Variants in UBR3 observed in about 807,000 individuals in gnomAD.
UBR3 encodes E3 ubiquitin-protein ligase UBR3.
In UBR3, 85 loss-of-function variants were observed where a neutral mutation model predicts 243.2. The observed-to-expected ratio is 0.35, with a 90% confidence interval of 0.29 to 0.42. The LOEUF (loss-of-function observed/expected upper bound fraction) is 0.42, where lower values mean the gene tolerates loss of function less well. Among genes scored for constraint, UBR3 ranks in the 10% least tolerant of loss-of-function variants. The pLI is 1.00. For synonymous variants in UBR3, 748 were observed against 799.8 expected (o/e 0.94, Z 1.09); for missense variants, 1,686 against 2,300.8 (o/e 0.73, Z 5.47).
chr2:170,056,392 A>T (rs2091337191), intron 33 of UBR3, among the ~76,000 whole-genome samples: 2 of 152,338 alleles, frequency 1.3e-5, no homozygotes, highest in South Asian at 4.1e-4. Context: ...AACTCAAAGG[A>T]ACTCAGTTTA....
Position 169,994,500 on chromosome 2 carries a change from TG to T in UBR3, c.3918+46del, listed in dbSNP as rs747806396. 1.7e-5 allele frequency: 26 copies of T among 1,562,566 alleles called. No individual in the cohort carries two copies. The Admixed American group carries it at 2.7e-4, about 16-fold the overall frequency. On this transcript the variant is annotated intron_variant, in intron 26 of 38. Transcript: ENST00000272793. ...ATAGTACTTTTGTCTGCCAAGTTGATGGTTATTTCCCTCCAGAATTTTACAT... is the reference window on the plus strand; with the variant it reads ...ATAGTACTTTTGTCTGCCAAGTTGATGTTATTTCCCTCCAGAATTTTACAT...
chr2:170,014,980 T>G, intron 29 of UBR3: 1 of 201,332 alleles, frequency 5.0e-6, no homozygotes, highest in Admixed American at 5.7e-5. Context: ...AGTTTTTTTT[T>G]TTTTCTTAAG....
chr2:169,839,666 AAC>A (rs531324886), intron 1 of UBR3, among the ~76,000 whole-genome samples: 53 of 152,088 alleles, frequency 3.5e-4, no homozygotes, highest in South Asian at 1.0e-3. Flanking sequence ...CATCAAATAA[AAC>A]ACACACACAC....
At chr2:169,832,023 G>C (rs556030301) in intron 1 of UBR3, among the ~76,000 whole-genome samples, 1 of 152,146 alleles carries the variant, frequency 6.6e-6, no homozygotes. Flanking sequence ...ACTGTTGCCT[G>C]TAGGATGTTC....
chr2:169,913,364 T>C (rs1337296402), intron 10 of UBR3, among the ~76,000 whole-genome samples: 1 of 151,342 alleles, frequency 6.6e-6, no homozygotes, highest in African/African-American at 2.4e-5. Flanking sequence ...TTTTTTGTTT[T>C]TTTTTTTGTT....
At chr2:170,010,482 AT>A (rs2090050696) in intron 29 of UBR3, among the ~76,000 whole-genome samples, 1 of 152,204 alleles carries the variant, frequency 6.6e-6, no homozygotes, top group Non-Finnish European at 1.5e-5. Context: ...CTGTAGTATG[AT>A]AAATCAAACA....
chr2:169,847,137 G>T (rs977445529), intron 1 of UBR3, among the ~76,000 whole-genome samples: 1 of 145,814 alleles, frequency 6.9e-6, no homozygotes, highest in Non-Finnish European at 1.5e-5. Flanking sequence ...GCTGGCAGTT[G>T]ATCTTGTTTG....
intron 1 of UBR3, among the ~76,000 whole-genome samples, chr2:169,851,409 G>A (rs935632133): frequency 6.6e-6 from 1 of 152,168 alleles, no homozygotes; most frequent in Non-Finnish European, 1.5e-5. Context: ...GATTACAGGC[G>A]TGAGCCATCG....
At chr2:169,897,792 C>T (rs531467486) in intron 8 of UBR3, among the ~76,000 whole-genome samples, 31 of 152,264 alleles carry the variant, frequency 2.0e-4, no homozygotes, top group African/African-American at 7.2e-4. Context: ...TGAGACACCA[C>T]GCTTGGCCAA....
intron 27 of UBR3, among the ~76,000 whole-genome samples, chr2:170,004,268 T>C (rs13014546): frequency 0.98 from 148,848 of 152,244 alleles, 72,840 homozygotes; most frequent in East Asian, 1. Flanking sequence ...TTCTGGAGCA[T>C]GAGGGGGAAG....
chr2:170,028,186 G>A (rs1022609326), intron 30 of UBR3, among the ~76,000 whole-genome samples: 2 of 151,708 alleles, frequency 1.3e-5, no homozygotes, highest in African/African-American at 4.8e-5. Flanking sequence ...CTGCCCCATA[G>A]AGTAGAACAT....
At chr2:170,030,302 A>G (rs1041973017) in intron 31 of UBR3, among the ~76,000 whole-genome samples, 5 of 151,990 alleles carry the variant, frequency 3.3e-5, no homozygotes, top group Admixed American at 1.3e-4. Flanking sequence ...CCATTTCTCC[A>G]TTTAGTTCCT....
At chr2:169,934,884 G>A (rs1451627241) in intron 19 of UBR3, among the ~76,000 whole-genome samples, 2 of 152,150 alleles carry the variant, frequency 1.3e-5, no homozygotes, top group Non-Finnish European at 2.9e-5. Flanking sequence ...AGGCCTTTAA[G>A]ATCTAGTCCA....
At chr2:169,830,723 G>C (rs182050250) in intron 1 of UBR3, among the ~76,000 whole-genome samples, 272 of 141,130 alleles carry the variant, frequency 1.9e-3, no homozygotes, top group African/African-American at 6.9e-3. Flanking sequence ...TTTTTTGTTT[G>C]TTTTGTTTTA....
At chr2:169,884,569 C>T (rs999161832) in intron 5 of UBR3, among the ~76,000 whole-genome samples, 1 of 152,216 alleles carries the variant, frequency 6.6e-6, no homozygotes, top group African/African-American at 2.4e-5. Flanking sequence ...TATGAAACTA[C>T]TGTGACTCTT....
chr2:170,004,831 A>T (rs2089850098), intron 27 of UBR3, among the ~76,000 whole-genome samples: 1 of 151,986 alleles, frequency 6.6e-6, no homozygotes, highest in Non-Finnish European at 1.5e-5. Context: ...GAATTGCTTA[A>T]ACCCGGGAGG....
chr2:169,927,171 C>G, intron 16 of UBR3, 149 bp from the exon 17 acceptor site: 1 of 936,102 alleles, frequency 1.1e-6, no homozygotes, highest in Non-Finnish European at 1.6e-6. Context: ...AGCAGTTAAA[C>G]TGCAGTTATG....
chr2:170,079,727 T>G, intron 36 of UBR3, 87 bp from the exon 37 acceptor site: 1 of 1,233,928 alleles, frequency 8.1e-7, no homozygotes, highest in East Asian at 2.6e-5. Flanking sequence ...GGCAGATTTT[T>G]CTTTCTGTAA....
intron 5 of UBR3, among the ~76,000 whole-genome samples, chr2:169,878,887 A>G (rs1325018063): frequency 6.6e-6 from 1 of 152,214 alleles, no homozygotes; most frequent in Non-Finnish European, 1.5e-5. Context: ...GGCTATCCCC[A>G]AATTTACCCG....
Sources: gnomAD v4.1 joint callset for allele counts (sites outside exome capture counted in the v4.1 genomes callset) on GRCh38, gnomAD v4.1.1 for gene constraint, MANE v1.5 for transcripts, NCBI Gene and HGNC (gene_info 2026-07-23, HGNC 2026-07-21) for gene names.